The following RBM19 variants were observed in gnomAD, a reference collection of about 807,000 sequenced individuals.
The protein encoded by RBM19 is RNA binding motif protein 19.
Under a neutral mutation model 116.8 loss-of-function variants are expected in RBM19, and 94 were observed. That is an observed-to-expected ratio of 0.80 (90% confidence interval 0.68 to 0.95). The LOEUF is 0.95. Among genes scored for constraint, RBM19 ranks in the 40% least tolerant of loss-of-function variants. The probability of loss-of-function intolerance (pLI) is 0.00; values close to 1 mark genes in which losing one functional copy is unlikely to be tolerated. For synonymous variants in RBM19, 475 were observed against 494.1 expected, an observed-to-expected ratio of 0.96 and a Z score of 0.51; for missense variants, 1,161 against 1,220.7, an observed-to-expected ratio of 0.95 and a Z score of 0.73.
intron 20 of RBM19, 53 bp downstream of exon 20, chr12:113,918,339 A>G: frequency 6.3e-7 from 1 of 1,594,714 alleles, no homozygotes; most frequent in South Asian, 1.1e-5. Flanking sequence ...GCCGGCACCA[A>G]GCACAGGAAG....
At chr12:113,885,907 C>T (rs1413615068) in intron 21 of RBM19, among the ~76,000 whole-genome samples, 1 of 137,102 alleles carries the variant, frequency 7.3e-6, no homozygotes, top group Non-Finnish European at 1.5e-5. Flanking sequence ...CTCTCTCTGT[C>T]GCCCAGGCTG....
chr12:113,946,241 A>T (rs1370577518), intron 12 of RBM19, 113 bp downstream of exon 12: 1 of 1,401,466 alleles, frequency 7.1e-7, no homozygotes, highest in Non-Finnish European at 9.8e-7. Context: ...AAGCTCGGTA[A>T]GGTATGAACT....
chr12:113,939,486 A>C (rs1870352827), intron 15 of RBM19, among the ~76,000 whole-genome samples: 1 of 152,192 alleles, frequency 6.6e-6, no homozygotes, highest in Non-Finnish European at 1.5e-5. Context: ...GCAGTGGCTC[A>C]CGCCTGTAAT....
chr12:113,851,759 A>G (rs1411617948), intron 22 of RBM19, among the ~76,000 whole-genome samples: 1 of 147,650 alleles, frequency 6.8e-6, no homozygotes, highest in Admixed American at 6.8e-5. Flanking sequence ...TTTAATTTAA[A>G]TTATTTTAGG....
At chr12:113,840,117 C>A (rs1306626705) in intron 23 of RBM19, among the ~76,000 whole-genome samples, 1 of 152,212 alleles carries the variant, frequency 6.6e-6, no homozygotes, top group East Asian at 1.9e-4. Context: ...GACAAAGTTT[C>A]ATGGATTCTT....
chr12:113,851,326 G>T (rs1207945740), intron 22 of RBM19, among the ~76,000 whole-genome samples: 1 of 152,196 alleles, frequency 6.6e-6, no homozygotes. Context: ...AGCTCAGTGC[G>T]ATTCGGCTCA....
intron 13 of RBM19, among the ~76,000 whole-genome samples, chr12:113,942,941 A>G (rs927002285): frequency 6.6e-6 from 1 of 151,968 alleles, no homozygotes; most frequent in African/African-American, 2.4e-5. Context: ...CAGGTCTCTC[A>G]CAGTAGATCT....
intron 22 of RBM19, among the ~76,000 whole-genome samples, chr12:113,847,509 G>A (rs747705491): frequency 6.6e-6 from 1 of 152,124 alleles, no homozygotes; most frequent in African/African-American, 2.4e-5. Flanking sequence ...TGGCTTGACT[G>A]GGGGAGCTGG....
chr12:113,845,319 C>T (rs372559510), intron 22 of RBM19, among the ~76,000 whole-genome samples: 1 of 151,882 alleles, frequency 6.6e-6, no homozygotes, highest in Non-Finnish European at 1.5e-5. Flanking sequence ...CCCAGCCCTG[C>T]GCTCCCAACT....
intron 21 of RBM19, among the ~76,000 whole-genome samples, chr12:113,864,594 C>T (rs1018284596): frequency 6.6e-6 from 1 of 152,204 alleles, no homozygotes; most frequent in African/African-American, 2.4e-5. Flanking sequence ...TACAGAGTTC[C>T]CATGTGGCCA....
At chr12:113,924,385 C>T (rs1868866653) in intron 18 of RBM19, among the ~76,000 whole-genome samples, 1 of 152,176 alleles carries the variant, frequency 6.6e-6, no homozygotes, top group Non-Finnish European at 1.5e-5. Context: ...TTCCTGATAC[C>T]ATCCAGGGTC....
chr12:113,856,690 G>A (rs934889174), intron 22 of RBM19, among the ~76,000 whole-genome samples: 2 of 152,160 alleles, frequency 1.3e-5, no homozygotes, highest in South Asian at 4.1e-4. Flanking sequence ...TGAGAAAAGA[G>A]GCCCAGTGGG....
Position 113,942,389 on chromosome 12 carries a change from G to A in RBM19, c.1672C>T (p.Gln558Ter). The change falls in exon 14 of 24, where the codon CAG (glutamine) becomes TAG (stop). Residue 558 changes from glutamine (Q) to a stop codon, truncating the protein, a stop_gained. Transcript: ENST00000261741. LOFTEE classifies it high-confidence loss of function. Reference protein sequence around the residue: ...VAVRVALGETQLVQEVRRFLI... With the variant: ...VAVRVALGET ...AAACGCCGCACTTCCTGGACGAGCTGGGTTTCCCCCAGAGCCACGCGCACG... is the reference window on the plus strand; with the variant it reads ...AAACGCCGCACTTCCTGGACGAGCTAGGTTTCCCCCAGAGCCACGCGCACG... 1.2e-6 allele frequency: 2 copies of A among 1,609,680 alleles called. No homozygotes were observed. The highest frequency in any genetic ancestry group is 1.7e-6 in the Non-Finnish European group (2 of 1,179,930).
intron 23 of RBM19, among the ~76,000 whole-genome samples, chr12:113,826,658 T>G (rs1426239503): frequency 6.6e-6 from 1 of 152,156 alleles, no homozygotes; most frequent in East Asian, 1.9e-4. Context: ...TAGTTGTGCC[T>G]CAATTTCTAA....
chr12:113,927,443 T>G, intron 16 of RBM19: 2 of 559,992 alleles, frequency 3.6e-6, no homozygotes, highest in Non-Finnish European at 3.1e-6. Context: ...CCTGCTGTGT[T>G]GTAAAGAGAA....
At chr12:113,915,318 A>G (rs1406324527) in intron 20 of RBM19, among the ~76,000 whole-genome samples, 1 of 152,064 alleles carries the variant, frequency 6.6e-6, no homozygotes, top group African/African-American at 2.4e-5. Flanking sequence ...GCTGACCTTC[A>G]TTTGAGAGAC....
rs746949393 is a variant in RBM19, at chr12:113,959,316, G to A, written c.467C>T (p.Ala156Val). ...CTTGCTCTTCCCTTTCGAGGGCTCAGCATCCAGGCCATCATTCGCCCAAGT... is the reference window on the plus strand; with the variant it reads ...CTTGCTCTTCCCTTTCGAGGGCTCAACATCCAGGCCATCATTCGCCCAAGT... Reference protein sequence around the residue: ...AATWANDGLDAEPSKGKSKPA... With the variant: ...AATWANDGLDVEPSKGKSKPA... The change falls in exon 5 of 24, where the codon GCT (alanine) becomes GTT (valine). Residue 156 changes from alanine to valine, a missense_variant. Coordinates refer to ENST00000261741, the MANE Select transcript of RBM19 (RefSeq NM_016196.4). 1.2e-6 allele frequency: 2 copies of A among 1,613,938 alleles called. No individual in the cohort carries two copies. Among genetic ancestry groups the A allele is most frequent in the African/African-American group, 2.7e-5 (2 of 74,928 alleles).
chr12:113,874,623 C>CA (rs1445078341), intron 21 of RBM19, among the ~76,000 whole-genome samples: 1 of 152,202 alleles, frequency 6.6e-6, no homozygotes, highest in Non-Finnish European at 1.5e-5. Flanking sequence ...TGAACTCAGT[C>CA]CTTATGTTCT....
rs33999104 is a variant in RBM19, at chr12:113,876,789, C to CAA, written c.2559-17895_2559-17894dup. Among the ~76,000 whole-genome samples the CAA allele has an allele frequency of 8.9e-5, 13 of 145,506 alleles. No homozygotes were observed. The South Asian group carries it at 1.1e-3, about 12-fold the overall frequency. On this transcript the variant is annotated intron_variant, in intron 21 of 23. Transcript: ENST00000261741. ...CTAGGTGACAGTGAGACCCTGTCTCCAAAAAAAAATAGTAATAATACAATA... is the reference window on the plus strand; with the variant it reads ...CTAGGTGACAGTGAGACCCTGTCTCCAAAAAAAAAAATAGTAATAATACAATA...
Sources: allele counts gnomAD v4.1 joint callset (sites outside exome capture counted in the v4.1 genomes callset), GRCh38; gene constraint gnomAD v4.1.1; transcripts MANE v1.5; gene names NCBI Gene and HGNC (gene_info 2026-07-23, HGNC 2026-07-21).